Variants in ARID4B observed in about 807,000 individuals in gnomAD.
The protein encoded by ARID4B is AT-rich interactive domain-containing protein 4B.
In ARID4B, 26 loss-of-function variants were observed where a neutral mutation model predicts 147.5. The observed-to-expected ratio is 0.18, with a 90% CI of 0.13 to 0.24. ARID4B has a LOEUF of 0.24. ARID4B is among the 10% of genes least tolerant of loss of function. The pLI is 1.00. For missense variants in ARID4B, 1,179 were observed against 1,511.5 expected, an observed-to-expected ratio of 0.78 and a Z score of 3.65; for synonymous variants, 512 against 507.9, an observed-to-expected ratio of 1.01 and a Z score of -0.11.
intron 2 of ARID4B, among the ~76,000 whole-genome samples, chr1:235,322,032 A>G (rs11586834): frequency 6.7e-6 from 1 of 148,872 alleles, no homozygotes; most frequent in Non-Finnish European, 1.5e-5. Flanking sequence ...TCAAGAAAAA[A>G]TTTTTTTTTT....
At chr1:235,215,176 T>C (rs985932504) in intron 16 of ARID4B, among the ~76,000 whole-genome samples, 12 of 152,154 alleles carry the variant, frequency 7.9e-5, no homozygotes, top group Non-Finnish European at 1.6e-4. Context: ...TAGTACCATG[T>C]ACTTTCTAAA....
At chr1:235,184,310 A>G (rs950781518) in intron 19 of ARID4B, among the ~76,000 whole-genome samples, 1 of 152,174 alleles carries the variant, frequency 6.6e-6, no homozygotes, top group South Asian at 2.1e-4. Context: ...CACTTTGAAC[A>G]GACCATCTCA....
chr1:235,308,353 C>T (rs1400341594), intron 2 of ARID4B, among the ~76,000 whole-genome samples: 2 of 151,884 alleles, frequency 1.3e-5, no homozygotes, highest in African/African-American at 4.8e-5. Flanking sequence ...GTGATTCGCC[C>T]ACCTTGGCCT....
intron 6 of ARID4B, 31 bp from the exon 7 acceptor site, chr1:235,246,542 A>G (rs1008779307): frequency 2.2e-5 from 34 of 1,512,820 alleles, no homozygotes; most frequent in Non-Finnish European, 1.6e-5. Context: ...CCATCAAAAA[A>G]TTAACACTTT....
intron 8 of ARID4B, among the ~76,000 whole-genome samples, chr1:235,238,143 CAAAAAAAAAA>C (rs533707841): frequency 1.2e-5 from 1 of 80,920 alleles, no homozygotes; most frequent in Admixed American, 1.4e-4. Context: ...AACTCCATCT[CAAAAAAAAAA>C]AAAAGAAAAG....
intron 2 of ARID4B, among the ~76,000 whole-genome samples, chr1:235,274,151 T>A (rs946536997): frequency 6.6e-6 from 1 of 151,738 alleles, no homozygotes; most frequent in African/African-American, 2.4e-5. Context: ...GGCAGGTGGA[T>A]CACCTGAGCT....
intron 7 of ARID4B, 36 bp from the exon 8 acceptor site, chr1:235,240,487 C>T: frequency 5.0e-6 from 8 of 1,587,942 alleles, no homozygotes; most frequent in Non-Finnish European, 6.9e-6. Context: ...TTCCATTTAT[C>T]CTCACAAAGA....
At chr1:235,279,470 G>A (rs1428408490) in intron 2 of ARID4B, among the ~76,000 whole-genome samples, 1 of 152,142 alleles carries the variant, frequency 6.6e-6, no homozygotes, top group Non-Finnish European at 1.5e-5. Context: ...CATAAAGGCA[G>A]ACCAATTTAA....
chr1:235,251,780 A>G (rs773652274), intron 6 of ARID4B, among the ~76,000 whole-genome samples: 2 of 152,298 alleles, frequency 1.3e-5, no homozygotes, highest in Non-Finnish European at 2.9e-5. Flanking sequence ...CTGTGTATCA[A>G]TGAATATCTG....
At chr1:235,252,483 A>G (rs1358469848) in intron 6 of ARID4B, among the ~76,000 whole-genome samples, 1 of 152,206 alleles carries the variant, frequency 6.6e-6, no homozygotes, top group Non-Finnish European at 1.5e-5. Context: ...CCTAAAGATA[A>G]TAATTAAAGC....
At chr1:235,246,536 C>T (rs753512001) in intron 6 of ARID4B, 25 bp from the exon 7 acceptor site, 5 of 1,544,444 alleles carry the variant, frequency 3.2e-6, no homozygotes, top group South Asian at 1.1e-5. Context: ...ATAAACCCAT[C>T]AAAAAATTAA....
intron 5 of ARID4B, 125 bp from the exon 6 acceptor site, chr1:235,252,934 C>T: frequency 1.5e-6 from 1 of 652,122 alleles, no homozygotes; most frequent in Non-Finnish European, 2.5e-6. Context: ...GAATTCAATT[C>T]ACATTTTATG....
chr1:235,254,601 C>G (rs1247949350), intron 5 of ARID4B, among the ~76,000 whole-genome samples: 1 of 151,632 alleles, frequency 6.6e-6, no homozygotes, highest in East Asian at 1.9e-4. Flanking sequence ...CAAAAACTGA[C>G]TACATGAAAA....
rs1371433931 is a variant in ARID4B at position 235,230,604 on chromosome 1, AAAAAAAAAAAAAC to A, written c.742+496_742+508del. On this transcript the variant is annotated intron_variant, in intron 10 of 23. Transcript: ENST00000264183. The stretch of plus-strand genomic sequence containing the variant: ...TGCCTGACTATAAGCTAAAAAAAAA[AAAAAAAAAAAAAC>A]CAGAAAAAAAAAGGAAACCTATGGT... Among the ~76,000 whole-genome samples, 3 of 129,380 alleles carry A rather than the reference AAAAAAAAAAAAAC, an allele frequency of 2.3e-5. No homozygotes were observed. In the East Asian group the frequency reaches 6.1e-4, roughly 26 times the overall value. The allele number at this position is 129,380 out of a possible 152,430, so 84.9% of individuals were successfully genotyped here.
In ARID4B at chr1:235,255,652, T is replaced by C. The variant is rs1328373288; in HGVS notation, c.274+8A>G. The C allele has an allele frequency of 6.5e-7, 1 of 1,550,276 alleles. No individual in the cohort carries two copies. The highest frequency in any genetic ancestry group is 8.7e-7 in the Non-Finnish European group (1 of 1,148,134). ...AACACATTTTTAAAAGAAAATTTAT[T>C]TTCTTACCTACAGTGTACCAACTCG... On this transcript the variant is annotated splice_region_variant and intron_variant, in intron 5 of 23. Coordinates refer to ENST00000264183, the MANE Select transcript of ARID4B (RefSeq NM_016374.6).
intron 2 of ARID4B, among the ~76,000 whole-genome samples, chr1:235,284,201 C>T (rs936425720): frequency 3.3e-5 from 5 of 152,016 alleles, no homozygotes; most frequent in Admixed American, 6.6e-5. Context: ...CTCTACTAAA[C>T]ATACAAAAAT....
Position 235,224,702 on chromosome 1 carries a change from C to T in ARID4B, c.970+1G>A. The T allele has an allele frequency of 6.3e-7, 1 of 1,576,132 alleles. No individual in the cohort carries two copies. Among genetic ancestry groups the T allele is most frequent in the South Asian group, 1.1e-5 (1 of 88,340 alleles). ...GTTAATGATAAATAAAAAATACTCA[C>T]CTCTATCTTCCATAAATTTGTACAA... On this transcript the variant is annotated splice_donor_variant, in intron 12 of 23. Coordinates refer to ENST00000264183, the MANE Select transcript of ARID4B (RefSeq NM_016374.6). LOFTEE classifies it high-confidence loss of function.
At position 235,237,912 on chromosome 1, in the gene ARID4B, A is replaced by G. The variant is rs538098977; in HGVS notation, c.585+2401T>C. On this transcript the variant is annotated intron_variant, in intron 8 of 23. Coordinates refer to ENST00000264183, the MANE Select transcript of ARID4B (RefSeq NM_016374.6). ...ATGCCTGTAATCCCAACATTTTGGG[A>G]GGCTGAGGCGGGCAGATCACCTGAG... Among the ~76,000 whole-genome samples the G allele has an allele frequency of 2.0e-5, 3 of 152,290 alleles. No homozygotes were observed. The East Asian group carries it at 5.8e-4, about 29-fold the overall frequency.
At position 235,326,520 on chromosome 1, in the gene ARID4B, A is replaced by G. The variant is rs142845492; in HGVS notation, c.6+394T>C. ...TCAAAGAGTTTTCTGCTAAAATTTT[A>G]CAGTACTGTTCACACAATAAATAAG... On this transcript the variant is annotated intron_variant, in intron 2 of 23. Coordinates refer to ENST00000264183, the MANE Select transcript of ARID4B (RefSeq NM_016374.6). Among the ~76,000 whole-genome samples the G allele has an allele frequency of 2.6e-3, 400 of 152,350 alleles. 2 individuals carry two copies. The highest frequency in any genetic ancestry group is 0.024 in the Middle Eastern group (7 of 294).
Sources: allele counts gnomAD v4.1 joint callset (sites outside exome capture counted in the v4.1 genomes callset), GRCh38; gene constraint gnomAD v4.1.1; transcripts MANE v1.5; gene names NCBI Gene and HGNC (gene_info 2026-07-23, HGNC 2026-07-21).